Variants in HDAC3 observed in about 807,000 individuals in gnomAD.
HDAC3 encodes the protein histone deacetylase 3.
HDAC3 carries 21 observed loss-of-function variants against 62.3 expected under a neutral mutation model. That is an observed-to-expected ratio of 0.34 (90% CI 0.24 to 0.49). HDAC3 has a LOEUF of 0.49. Among genes scored for constraint, HDAC3 ranks in the 20% least tolerant of loss-of-function variants. The probability of loss-of-function intolerance (pLI) is 0.99; values close to 1 mark genes in which losing one functional copy is unlikely to be tolerated. For missense variants in HDAC3, 270 were observed against 556.9 expected (o/e 0.48, Z 5.19); for synonymous variants, 198 against 206.5 (o/e 0.96, Z 0.35).
chr5:141,628,019 C>A lies in HDAC3; in HGVS notation c.766-62G>T. The stretch of plus-strand genomic sequence containing the variant: ...AGAACTGATCAGAACATCACAGATA[C>A]CCCTTCCACCACCAACCTAAAGAAC... On this transcript the variant is annotated intron_variant, in intron 9 of 14. Transcript: ENST00000305264. This position sits in a 1 kb window ranked among gnomAD's most constrained non-coding sequence, Gnocchi z 4.7. 3 of 1,601,246 alleles carry A rather than the reference C, an allele frequency of 1.9e-6. No individual in the cohort carries two copies. The highest frequency in any genetic ancestry group is 1.7e-5 in the Admixed American group (1 of 59,988).
chr5:141,622,552 C>T (rs2099903852), intron 14 of HDAC3, among the ~76,000 whole-genome samples: 1 of 150,024 alleles, frequency 6.7e-6, no homozygotes, highest in Non-Finnish European at 1.5e-5. Flanking sequence ...TGCAGTGAGC[C>T]GGGATTAGCC....
chr5:141,625,487 T>C lies in HDAC3; in HGVS notation c.1060-122A>G. The C allele has an allele frequency of 1.7e-6, 2 of 1,211,118 alleles. No individual in the cohort carries two copies. Among genetic ancestry groups the C allele is most frequent in the Admixed American group, 1.9e-5 (1 of 53,604 alleles). The allele number at this position is 1,211,118 out of a possible 1,614,324, so 75.0% of individuals were successfully genotyped here. A position where few individuals can be genotyped will look rare whatever the true frequency, so the allele number is the denominator to read the frequency against. ...ATCTCAGTGGTACCTCTAGTTCAGG[T>C]CCCCCAACTGATAGCTCTCCCTCCC... On this transcript the variant is annotated intron_variant, in intron 13 of 14. Coordinates refer to ENST00000305264, the MANE Select transcript of HDAC3 (RefSeq NM_003883.4). The surrounding 1 kb of genome is among the most constrained non-coding windows in gnomAD (Gnocchi z 4.0).
In HDAC3 at chr5:141,625,032, A is replaced by C; in HGVS notation, c.1217+176T>G. ...TTTTGGTGCTGTTTTAAAATTTTGC[A>C]ATAAATACGTGTTACTTTTGTCATT... On this transcript the variant is annotated intron_variant, in intron 14 of 14. Transcript: ENST00000305264. This position sits in a 1 kb window ranked among gnomAD's most constrained non-coding sequence, Gnocchi z 4.0. 1.5e-6 allele frequency: 1 copy of C among 659,650 alleles called. No homozygotes were observed. Among genetic ancestry groups the C allele is most frequent in the Admixed American group, 3.2e-5 (1 of 31,634 alleles). The allele number at this position is 659,650 out of a possible 1,614,324, so 40.9% of individuals were successfully genotyped here. A position where few individuals can be genotyped will look rare whatever the true frequency, so the allele number is the denominator to read the frequency against.
In HDAC3 at chr5:141,625,031, CA is replaced by C. The variant is rs1596435496; in HGVS notation, c.1217+176del. 2 of 650,110 alleles carry C rather than the reference CA, an allele frequency of 3.1e-6. No homozygotes were observed. The highest frequency in any genetic ancestry group is 5.7e-5 in the East Asian group (2 of 34,938). 40.3% of individuals were successfully genotyped at this position (650,110 alleles called of 1,614,324 possible). A position where few individuals can be genotyped will look rare whatever the true frequency, so the allele number is the denominator to read the frequency against. On this transcript the variant is annotated intron_variant, in intron 14 of 14. Transcript: ENST00000305264. This position sits in a 1 kb window ranked among gnomAD's most constrained non-coding sequence, Gnocchi z 4.0. The stretch of plus-strand genomic sequence containing the variant: ...ATTTTGGTGCTGTTTTAAAATTTTG[CA>C]ATAAATACGTGTTACTTTTGTCATT...
intron 3 of HDAC3, among the ~76,000 whole-genome samples, chr5:141,633,292 T>G (rs1001125584): frequency 1.3e-5 from 2 of 152,188 alleles, no homozygotes; most frequent in Non-Finnish European, 2.9e-5. Flanking sequence ...CTTGTTTAGA[T>G]CTGGATTTAA....
rs1268660715 is a variant in HDAC3 at position 141,629,966 on chromosome 5, T to C, written c.364-50A>G. On this transcript the variant is annotated intron_variant, in intron 4 of 14. Coordinates refer to ENST00000305264, the MANE Select transcript of HDAC3 (RefSeq NM_003883.4). The surrounding 1 kb of genome is among the most constrained non-coding windows in gnomAD (Gnocchi z 5.3). ...AGTCCTTCCTGCCCACCCCTCAAGC[T>C]GGGAGCCCAGGATCAGGGTTAAATC... The C allele has an allele frequency of 6.2e-7, 1 of 1,613,038 alleles. No individual in the cohort carries two copies. The highest frequency in any genetic ancestry group is 8.5e-7 in the Non-Finnish European group (1 of 1,179,006).
In HDAC3 at chr5:141,629,152, A is replaced by G; in HGVS notation, c.610+21T>C. The G allele has an allele frequency of 6.2e-7, 1 of 1,613,822 alleles. No individual in the cohort carries two copies. Among genetic ancestry groups the G allele is most frequent in the African/African-American group, 1.3e-5 (1 of 75,026 alleles). Reference sequence around the variant, plus strand: ...AAAGAGCTGAAGGGTGCAAAGGGGAAAGTAATCCCTATTCCCATACCTGTG... The same window carrying G: ...AAAGAGCTGAAGGGTGCAAAGGGGAGAGTAATCCCTATTCCCATACCTGTG... On this transcript the variant is annotated intron_variant, in intron 7 of 14. Transcript: ENST00000305264. This position sits in a 1 kb window ranked among gnomAD's most constrained non-coding sequence, Gnocchi z 5.3.
At position 141,626,386 on chromosome 5, in the gene HDAC3, C is replaced by G; in HGVS notation, c.831-103G>C. 2 of 806,476 alleles carry G rather than the reference C, an allele frequency of 2.5e-6. No homozygotes were observed. Among genetic ancestry groups the G allele is most frequent in the Non-Finnish European group, 4.2e-6 (2 of 479,812 alleles). 50.0% of individuals were successfully genotyped at this position (806,476 alleles called of 1,614,324 possible). ...GGAGCACAAGAAAACTATAAATGTT[C>G]TAAATCTTTATCTTGATAGTGAAAT... On this transcript the variant is annotated intron_variant, in intron 10 of 14. Transcript: ENST00000305264. The surrounding 1 kb of genome is among the most constrained non-coding windows in gnomAD (Gnocchi z 4.6).
In HDAC3 at chr5:141,628,260, G is replaced by T; in HGVS notation, c.692-73C>A. The T allele has an allele frequency of 7.6e-7, 1 of 1,308,064 alleles. No individual in the cohort carries two copies. Among genetic ancestry groups the T allele is most frequent in the African/African-American group, 1.5e-5 (1 of 68,726 alleles). The allele number at this position is 1,308,064 out of a possible 1,614,324, so 81.0% of individuals were successfully genotyped here. ...AGACAGGGAACAAAAGGAAAAAGGG[G>T]GTTGAGCGAGCATGTAGCCCAGGAA... On this transcript the variant is annotated intron_variant, in intron 8 of 14. Coordinates refer to ENST00000305264, the MANE Select transcript of HDAC3 (RefSeq NM_003883.4). This position sits in a 1 kb window ranked among gnomAD's most constrained non-coding sequence, Gnocchi z 4.7.
chr5:141,624,056 A>C (rs1179429856), intron 14 of HDAC3, among the ~76,000 whole-genome samples: 1 of 151,682 alleles, frequency 6.6e-6, no homozygotes, highest in Non-Finnish European at 1.5e-5. Context: ...TAAAAAAAAA[A>C]AAAAAACATA....
At chr5:141,635,044 T>C (rs1048273307) in intron 2 of HDAC3, 91 bp from the exon 3 acceptor site, 21 of 1,321,034 alleles carry the variant, frequency 1.6e-5, no homozygotes, top group Non-Finnish European at 2.1e-5. Context: ...CTGGAGACTA[T>C]ATGAAGCCAA....
rs577861200 is a variant in HDAC3 at position 141,636,847 on chromosome 5, A to T, written c.-57T>A. The T allele has an allele frequency of 7.3e-7, 1 of 1,363,872 alleles. No individual in the cohort carries two copies. The allele number at this position is 1,363,872 out of a possible 1,614,324, so 84.5% of individuals were successfully genotyped here. A position where few individuals can be genotyped will look rare whatever the true frequency, so the allele number is the denominator to read the frequency against. On this transcript the variant is annotated 5_prime_UTR_variant, in exon 1 of 15. Transcript: ENST00000305264. ...CCGCCCGCCGCCCGCGGCCGCCGCC[A>T]GCCCCTCCCCGGCCGTGCGTGCTGC...
chr5:141,628,360 T>C lies in HDAC3; in HGVS notation c.692-173A>G, dbSNP rs1465865227. ...ATCCCAGACTGCTATGAGTGACTGA[T>C]GAAAGCCAATGACTTTTCCCAGAAA... On this transcript the variant is annotated intron_variant, in intron 8 of 14. Coordinates refer to ENST00000305264, the MANE Select transcript of HDAC3 (RefSeq NM_003883.4). The surrounding 1 kb of genome is among the most constrained non-coding windows in gnomAD (Gnocchi z 4.7). The C allele has an allele frequency of 1.4e-6, 1 of 715,388 alleles. No individual in the cohort carries two copies. The highest frequency in any genetic ancestry group is 2.4e-6 in the Non-Finnish European group (1 of 411,908). The allele number at this position is 715,388 out of a possible 1,614,324, so 44.3% of individuals were successfully genotyped here. A position where few individuals can be genotyped will look rare whatever the true frequency, so the allele number is the denominator to read the frequency against.
chr5:141,632,892 A>G (rs1034911332), intron 3 of HDAC3, among the ~76,000 whole-genome samples: 5 of 152,202 alleles, frequency 3.3e-5, no homozygotes, highest in Admixed American at 1.3e-4. Context: ...CCTCTATCCT[A>G]CAGCCCTGGC....
rs2099904311 is a variant in HDAC3, at chr5:141,625,495, C to A, written c.1060-130G>T. 2.6e-6 allele frequency: 3 copies of A among 1,163,700 alleles called. No homozygotes were observed. In the South Asian group the frequency reaches 3.8e-5, roughly 15 times the overall value. The allele number at this position is 1,163,700 out of a possible 1,614,324, so 72.1% of individuals were successfully genotyped here. A position where few individuals can be genotyped will look rare whatever the true frequency, so the allele number is the denominator to read the frequency against. ...GGTACCTCTAGTTCAGGTCCCCCAA[C>A]TGATAGCTCTCCCTCCCCACCAACC... On this transcript the variant is annotated intron_variant, in intron 13 of 14. Transcript: ENST00000305264. The surrounding 1 kb of genome is among the most constrained non-coding windows in gnomAD (Gnocchi z 4.0).
At chr5:141,624,873 G>A (rs2099904242) in intron 14 of HDAC3, 1 of 210,212 alleles carries the variant, frequency 4.8e-6, no homozygotes, top group Non-Finnish European at 9.4e-6. Flanking sequence ...GAGTGTATAT[G>A]TGTTTGTTTA....
chr5:141,629,147 G>C lies in HDAC3; in HGVS notation c.610+26C>G, dbSNP rs1327921857. The C allele has an allele frequency of 6.2e-7, 1 of 1,613,136 alleles. No individual in the cohort carries two copies. ...ATAGTAAAGAGCTGAAGGGTGCAAA[G>C]GGGAAAGTAATCCCTATTCCCATAC... On this transcript the variant is annotated intron_variant, in intron 7 of 14. Transcript: ENST00000305264. This position sits in a 1 kb window ranked among gnomAD's most constrained non-coding sequence, Gnocchi z 5.3.
At chr5:141,635,579 T>C (rs1054546133) in intron 2 of HDAC3, among the ~76,000 whole-genome samples, 2 of 152,252 alleles carry the variant, frequency 1.3e-5, no homozygotes, top group Non-Finnish European at 2.9e-5. Context: ...TGTTCACTAG[T>C]TTCCCTAGCA....
chr5:141,629,960 T>G lies in HDAC3; in HGVS notation c.364-44A>C. On this transcript the variant is annotated intron_variant, in intron 4 of 14. Transcript: ENST00000305264. This position sits in a 1 kb window ranked among gnomAD's most constrained non-coding sequence, Gnocchi z 5.3. ...AGTCACAGTCCTTCCTGCCCACCCC[T>G]CAAGCTGGGAGCCCAGGATCAGGGT... 6.2e-7 allele frequency: 1 copy of G among 1,612,896 alleles called. No individual in the cohort carries two copies. Among genetic ancestry groups the G allele is most frequent in the South Asian group, 1.1e-5 (1 of 91,052 alleles).
Sources: allele counts gnomAD v4.1 joint callset (sites outside exome capture counted in the v4.1 genomes callset), GRCh38; gene constraint gnomAD v4.1.1; non-coding constraint Gnocchi (gnomAD v3.1); transcripts MANE v1.5; gene names NCBI Gene and HGNC (gene_info 2026-07-23, HGNC 2026-07-21).